The following DENND2C variants were observed in gnomAD, a reference collection of about 807,000 sequenced individuals.
The protein encoded by DENND2C is DENN domain-containing protein 2C.
DENND2C carries 72 observed loss-of-function variants against 112.4 expected under a neutral mutation model. That is an observed-to-expected ratio of 0.64 (90% CI 0.53 to 0.78). The LOEUF is 0.78. DENND2C is among the 30% of genes least tolerant of loss of function. The pLI, the probability that DENND2C is intolerant of heterozygous loss-of-function variation, is 0.00. For missense variants in DENND2C, 992 were observed against 1,113.8 expected (o/e 0.89, Z 1.56); for synonymous variants, 329 against 381.6 (o/e 0.86, Z 1.61).
Position 114,621,907 on chromosome 1 carries a change from TTTCCTTTTCGTG to T in DENND2C, c.1203_1214del (p.Asn401_Arg404del). On this transcript the variant is annotated inframe_deletion, in exon 7 of 21. Transcript: ENST00000393274. The stretch of plus-strand genomic sequence containing the variant: ...CTGGAGTCTTTACCCTTGGAAGATT[TTTCCTTTTCGTG>T]TTTGCAACTTCACCAGCTCGGAAAA... 2 of 1,550,632 alleles carry T rather than the reference TTTCCTTTTCGTG, an allele frequency of 1.3e-6. No individual in the cohort carries two copies.
At chr1:114,600,397 A>C in intron 14 of DENND2C, 45 bp from the exon 15 acceptor site, 1 of 1,610,956 alleles carries the variant, frequency 6.2e-7, no homozygotes, top group Middle Eastern at 1.7e-4. Flanking sequence ...GTTGGAAAAC[A>C]ATCCCTAGTG....
At chr1:114,592,594 C>A (rs1655224850) in intron 18 of DENND2C, among the ~76,000 whole-genome samples, 1 of 152,068 alleles carries the variant, frequency 6.6e-6, no homozygotes, top group African/African-American at 2.4e-5. Flanking sequence ...AGGGTGCACG[C>A]CTGTAGGCCC....
At chr1:114,619,214 A>G (rs190432471) in intron 7 of DENND2C, among the ~76,000 whole-genome samples, 1 of 152,340 alleles carries the variant, frequency 6.6e-6, no homozygotes, top group African/African-American at 2.4e-5. Context: ...AGACACACAC[A>G]GAATGCGGTA....
chr1:114,600,500 ACCCAACAG>A, intron 14 of DENND2C, 148 bp from the exon 15 acceptor site: 1 of 1,035,566 alleles, frequency 9.7e-7, no homozygotes, highest in Non-Finnish European at 1.4e-6. Context: ...TAATGCCAGG[ACCCAACAG>A]CTTATTTTTG....
intron 5 of DENND2C, 110 bp from the exon 6 acceptor site, chr1:114,623,209 A>G (rs1299855451): frequency 9.8e-7 from 1 of 1,020,544 alleles, no homozygotes; most frequent in African/African-American, 1.6e-5. Flanking sequence ...CTTATTCTAC[A>G]TTGCTGTAGG....
At chr1:114,596,750 G>T (rs892867475) in intron 16 of DENND2C, among the ~76,000 whole-genome samples, 2 of 151,630 alleles carry the variant, frequency 1.3e-5, no homozygotes, top group African/African-American at 4.8e-5. Flanking sequence ...AAAATAAAAA[G>T]TTTTTTTTTA....
In DENND2C at chr1:114,625,820, C is replaced by A. The variant is rs1183732646; in HGVS notation, c.165G>T (p.Glu55Asp). 3.1e-6 allele frequency: 5 copies of A among 1,613,978 alleles called. No individual in the cohort carries two copies. The highest frequency in any genetic ancestry group is 4.2e-6 in the Non-Finnish European group (5 of 1,180,018). The part of the protein sequence containing the change: ...DFGVRYNCHQ[E>D]IRLKKNPIAE... ...CTATAGGATTTTTCTTAAGACGGAT[C>A]TCTTGGTGACAGTTATATCTCACTC... The change falls in exon 4 of 21, where the codon GAG (glutamate) becomes GAT (aspartate). Residue 55 changes from glutamate (E) to aspartate (D), a missense_variant. Glu to Asp is a conservative substitution (Grantham distance 45, BLOSUM62 2). This residue lies in a region of DENND2C where 470 missense variants were observed against 472.7 expected (regional missense o/e 0.99). Transcript: ENST00000393274.
Position 114,582,950 on chromosome 1 carries a change from C to A in DENND2C, c.*2650G>T, listed in dbSNP as rs934634962. 2.0e-5 allele frequency: 3 copies of A among 152,238 alleles called. No individual in the cohort carries two copies. The highest frequency in any genetic ancestry group is 7.2e-5 in the African/African-American group (3 of 41,456). The allele number at this position is 152,238 out of a possible 1,614,324, so 9.4% of individuals were successfully genotyped here. ...AATATCCAGAATTCCTAACACTTTACAGAAAACACAACAGACCTAAGGAAA... is the reference window on the plus strand; with the variant it reads ...AATATCCAGAATTCCTAACACTTTAAAGAAAACACAACAGACCTAAGGAAA... On this transcript the variant is annotated 3_prime_UTR_variant, in exon 21 of 21. Coordinates refer to ENST00000393274, the MANE Select transcript of DENND2C (RefSeq NM_001256404.2).
intron 2 of DENND2C, among the ~76,000 whole-genome samples, chr1:114,653,474 TA>T (rs1427591617): frequency 1.3e-5 from 2 of 152,184 alleles, no homozygotes; most frequent in Non-Finnish European, 2.9e-5. Flanking sequence ...TCATTATCCT[TA>T]TAACAAGACT....
chr1:114,645,322 A>G (rs757255635), intron 3 of DENND2C, 126 bp downstream of exon 3: 5 of 152,212 alleles, frequency 3.3e-5, no homozygotes, highest in African/African-American at 7.2e-5. Flanking sequence ...CCTTAATCCA[A>G]TGACTGGTGT....
At chr1:114,653,764 T>C (rs1657233327) in intron 2 of DENND2C, among the ~76,000 whole-genome samples, 1 of 152,160 alleles carries the variant, frequency 6.6e-6, no homozygotes, top group South Asian at 2.1e-4. Flanking sequence ...TTTTTAAAAA[T>C]GAACACATAT....
Position 114,625,703 on chromosome 1 carries a change from C to T in DENND2C, c.282G>A (p.Glu94=). The change falls in exon 4 of 21, where the codon GAG becomes GAA. Residue 94 remains glutamate, a synonymous_variant. Transcript: ENST00000393274. ...CATATTCATGTTTCTTATTTTCATT[C>T]TCACTTTGATCATGGCTTTTGGTAT... ...NENTKSHDQS[E]NENKKHEYDD... is the part of the protein sequence containing the mutation. 6.2e-7 allele frequency: 1 copy of T among 1,613,996 alleles called. No individual in the cohort carries two copies. Among genetic ancestry groups the T allele is most frequent in the Non-Finnish European group, 8.5e-7 (1 of 1,179,994 alleles).
intron 3 of DENND2C, among the ~76,000 whole-genome samples, chr1:114,632,981 A>G (rs1348745232): frequency 1.3e-5 from 2 of 152,186 alleles, no homozygotes; most frequent in Non-Finnish European, 2.9e-5. Flanking sequence ...GGATAAATAT[A>G]CAAGGCATAT....
At chr1:114,595,734 G>C in intron 17 of DENND2C, 98 bp downstream of exon 17, 1 of 1,135,374 alleles carries the variant, frequency 8.8e-7, no homozygotes, top group Non-Finnish European at 1.3e-6. Context: ...AGTTTTGCCT[G>C]AGTCATATTC....
At chr1:114,612,559 G>A (rs1300711784) in intron 8 of DENND2C, among the ~76,000 whole-genome samples, 7 of 148,820 alleles carry the variant, frequency 4.7e-5, no homozygotes, top group African/African-American at 7.5e-5. Flanking sequence ...TCACTCTGTC[G>A]CCCAGGCTGG....
At chr1:114,651,368 C>T (rs988094428) in intron 2 of DENND2C, among the ~76,000 whole-genome samples, 3 of 151,886 alleles carry the variant, frequency 2.0e-5, no homozygotes, top group African/African-American at 7.3e-5. Context: ...AGGTGGATCA[C>T]TTGAGCCCAG....
intron 12 of DENND2C, 47 bp downstream of exon 12, chr1:114,602,078 A>C (rs1655526462): frequency 6.3e-7 from 1 of 1,591,062 alleles, no homozygotes; most frequent in Non-Finnish European, 8.6e-7. Flanking sequence ...ACTCTGACTC[A>C]ATTATTCCTT....
chr1:114,622,932 G>T, intron 6 of DENND2C, 55 bp downstream of exon 6: 1 of 1,361,240 alleles, frequency 7.3e-7, no homozygotes, highest in Non-Finnish European at 1.0e-6. Context: ...TAATCTTTTT[G>T]TAGATACCAT....
At chr1:114,667,756 G>A (rs1657684938) in intron 1 of DENND2C, among the ~76,000 whole-genome samples, 1 of 152,048 alleles carries the variant, frequency 6.6e-6, no homozygotes, top group Admixed American at 6.6e-5. Flanking sequence ...ACTCAGTATA[G>A]CGCAAAGGTT....
Sources: gnomAD v4.1 joint callset for allele counts (sites outside exome capture counted in the v4.1 genomes callset) on GRCh38, gnomAD v4.1.1 for gene constraint, gnomAD v4.1.1 regional missense constraint, MANE v1.5 for transcripts, NCBI Gene and HGNC (gene_info 2026-07-23, HGNC 2026-07-21) for gene names.